Variants in CDKL4 observed in about 807,000 individuals in gnomAD.
The protein encoded by CDKL4 is cyclin-dependent kinase-like 4.
In CDKL4, 44 loss-of-function variants were observed where a neutral mutation model predicts 42.0. The ratio of observed to expected loss-of-function variants is 1.05; its 90% CI spans 0.82 to 1.35. The LOEUF is 1.35. Ranked by LOEUF, CDKL4 falls within the 40% of genes most tolerant of loss-of-function variation. The probability of loss-of-function intolerance (pLI) is 0.00; values close to 1 mark genes in which losing one functional copy is unlikely to be tolerated. For synonymous variants in CDKL4, 120 were observed against 121.6 expected (o/e 0.99, Z 0.09); for missense variants, 393 against 369.9 (o/e 1.06, Z -0.51).
upstream of CDKL4, among the ~76,000 whole-genome samples, chr2:39,244,202 T>G (rs995056533): frequency 1.3e-5 from 2 of 152,232 alleles, no homozygotes. Flanking sequence ...AGCCCACCGC[T>G]GCACTGTGGG....
chr2:39,178,734 C>T, intron 9 of CDKL4: 3 of 1,607,484 alleles, frequency 1.9e-6, no homozygotes, highest in Non-Finnish European at 2.5e-6. Context: ...GAGAAAAAGC[C>T]TAGGAAAGGC....
chr2:39,217,791 T>C lies in CDKL4; in HGVS notation c.291-4319A>G, dbSNP rs545182745. On this transcript the variant is annotated intron_variant, in intron 3 of 9. Coordinates refer to ENST00000451199, the Ensembl canonical transcript of CDKL4. ...TCTTGTTGCCCAGGCTGGAGTGCAATGGCATAATCTCCGCTCGCCGCAACC... is the reference window on the plus strand; with the variant it reads ...TCTTGTTGCCCAGGCTGGAGTGCAACGGCATAATCTCCGCTCGCCGCAACC... Among the ~76,000 whole-genome samples the C allele has an allele frequency of 4.6e-5, 7 of 152,256 alleles. No individual in the cohort carries two copies. In the East Asian group the frequency reaches 1.4e-3, roughly 29 times the overall value.
chr2:39,246,525 A>G (rs540658150), upstream of CDKL4, among the ~76,000 whole-genome samples: 1 of 152,312 alleles, frequency 6.6e-6, no homozygotes, highest in South Asian at 2.1e-4. Flanking sequence ...CCATCTTTTT[A>G]TGCAGCTTCC....
intron 8 of CDKL4, 24 bp downstream of exon 8, chr2:39,184,565 AAG>A (rs1202614380): frequency 1.3e-6 from 2 of 1,553,172 alleles, no homozygotes; most frequent in Non-Finnish European, 1.8e-6. Context: ...TATAGCTAAT[AAG>A]AGTTATAATT....
intron 4 of CDKL4, among the ~76,000 whole-genome samples, chr2:39,207,567 T>C (rs1572985218): frequency 6.6e-6 from 1 of 152,344 alleles, no homozygotes; most frequent in East Asian, 1.9e-4. Context: ...TTCTAGACTA[T>C]ATGTGTAGCA....
intron 6 of CDKL4, 131 bp downstream of exon 6, chr2:39,190,174 C>T: frequency 4.7e-6 from 3 of 632,102 alleles, no homozygotes; most frequent in Admixed American, 6.9e-5. Context: ...TGAGAACAAC[C>T]ATCCTGAGTG....
chr2:39,245,967 AT>A (rs1413911541), upstream of CDKL4, among the ~76,000 whole-genome samples: 1 of 152,228 alleles, frequency 6.6e-6, no homozygotes, highest in Non-Finnish European at 1.5e-5. Flanking sequence ...AATGTAATGA[AT>A]GCTCTGTGGA....
chr2:39,241,314 A>T (rs1162136935), intron 1 of CDKL4, among the ~76,000 whole-genome samples: 1 of 152,194 alleles, frequency 6.6e-6, no homozygotes, highest in Non-Finnish European at 1.5e-5. Flanking sequence ...ATTGAGCAAA[A>T]CGTAAACAGT....
intron 3 of CDKL4, among the ~76,000 whole-genome samples, chr2:39,214,053 G>C (rs1677757607): frequency 6.6e-6 from 1 of 152,038 alleles, no homozygotes; most frequent in African/African-American, 2.4e-5. Context: ...TTCCCAAGTA[G>C]CTAGGATTAC....
chr2:39,183,915 T>G (rs933130138), intron 8 of CDKL4, among the ~76,000 whole-genome samples: 3 of 152,144 alleles, frequency 2.0e-5, no homozygotes, highest in Non-Finnish European at 4.4e-5. Context: ...TCTACAAAAG[T>G]TGACTCTAGG....
chr2:39,174,444 A>G (rs968966307), downstream of CDKL4, among the ~76,000 whole-genome samples: 1 of 151,772 alleles, frequency 6.6e-6, no homozygotes, highest in African/African-American at 2.4e-5. Flanking sequence ...TATTGCTTAG[A>G]TGTCATAATT....
chr2:39,196,477 C>T (rs1406885058), intron 5 of CDKL4, among the ~76,000 whole-genome samples: 13 of 152,162 alleles, frequency 8.5e-5, no homozygotes, highest in Admixed American at 7.9e-4. Flanking sequence ...GGGGAGAGCA[C>T]CACATCAAGG....
chr2:39,185,322 ATATACACATATG>A lies in CDKL4; in HGVS notation c.736-687_736-676del, dbSNP rs1377748973. Among the ~76,000 whole-genome samples, 42 of 105,456 alleles carry A rather than the reference ATATACACATATG, an allele frequency of 4.0e-4. 4 individuals are homozygous for A. The highest frequency in any genetic ancestry group is 1.9e-3 in the Admixed American group (17 of 8,896). The allele number at this position is 105,456 out of a possible 152,430, so 69.2% of individuals were successfully genotyped here. On this transcript the variant is annotated intron_variant, in intron 7 of 9. Coordinates refer to ENST00000451199, the Ensembl canonical transcript of CDKL4. ...TATACACATATGTATATATACATAT[ATATACACATATG>A]TATATATATACACATATGTATATAT... is the stretch of plus-strand genomic sequence containing the variant.
At chr2:39,209,710 T>C (rs1258172351) in intron 4 of CDKL4, among the ~76,000 whole-genome samples, 1 of 152,170 alleles carries the variant, frequency 6.6e-6, no homozygotes, top group African/African-American at 2.4e-5. Flanking sequence ...CTGGAGATGA[T>C]AAGGTGCACA....
chr2:39,210,702 T>C (rs1245783930), intron 4 of CDKL4, among the ~76,000 whole-genome samples: 1 of 152,212 alleles, frequency 6.6e-6, no homozygotes, highest in Non-Finnish European at 1.5e-5. Flanking sequence ...GAAATCATTT[T>C]AACTACCCAT....
intron 5 of CDKL4, among the ~76,000 whole-genome samples, chr2:39,195,734 CTGGG>C (rs1676475694): frequency 6.6e-6 from 1 of 150,702 alleles, no homozygotes; most frequent in African/African-American, 2.5e-5. Context: ...CCTCTGTCTC[CTGGG>C]TTCAACTGAC....
rs115212443 is a variant in CDKL4, at chr2:39,242,557, C to T, written c.-57+1314G>A. 7.8e-3 allele frequency among the ~76,000 whole-genome samples: 1,191 copies of T among 152,234 alleles called. 15 individuals carry two copies. Among genetic ancestry groups the T allele is most frequent in the African/African-American group, 0.027 (1,137 of 41,540 alleles). On this transcript the variant is annotated intron_variant, in intron 1 of 9. Transcript: ENST00000451199. ...GGCTCACTAAATTCTTTGAAAATTTCTATTTAATTTCCTTAGTCTCAAGGG... is the reference window on the plus strand; with the variant it reads ...GGCTCACTAAATTCTTTGAAAATTTTTATTTAATTTCCTTAGTCTCAAGGG...
At chr2:39,197,823 GA>G (rs1368166259) in intron 5 of CDKL4, among the ~76,000 whole-genome samples, 2 of 150,282 alleles carry the variant, frequency 1.3e-5, no homozygotes, top group Non-Finnish European at 2.9e-5. Flanking sequence ...AGCACTATAG[GA>G]ACTGTTAAAA....
rs1679580406 is a variant in CDKL4, at chr2:39,240,044, T to A, written c.-57+3827A>T. Among the ~76,000 whole-genome samples the A allele has an allele frequency of 3.3e-5, 5 of 151,948 alleles. No homozygotes were observed. In the South Asian group the frequency reaches 6.3e-4, roughly 19 times the overall value. ...GGCGGAGGTTGCAGTGAGCTGAGAT[T>A]GTGCCACTGCACTCCAGCCTGGGTG... On this transcript the variant is annotated intron_variant, in intron 1 of 9. Coordinates refer to ENST00000451199, the Ensembl canonical transcript of CDKL4.
Sources: allele counts gnomAD v4.1 joint callset (sites outside exome capture counted in the v4.1 genomes callset), GRCh38; gene constraint gnomAD v4.1.1; transcripts MANE v1.5; gene names NCBI Gene and HGNC (gene_info 2026-07-23, HGNC 2026-07-21).